Variants in PACSIN2 observed in about 807,000 individuals in gnomAD.
The protein encoded by PACSIN2 is protein kinase C and casein kinase substrate in neurons 2, also known as protein kinase C and casein kinase substrate in neurons protein 2.
Under a neutral mutation model 63.8 loss-of-function variants are expected in PACSIN2, and 25 were observed. The observed-to-expected ratio is 0.39, with a 90% CI of 0.29 to 0.55. The LOEUF (loss-of-function observed/expected upper bound fraction) is 0.55, where lower values mean the gene tolerates loss of function less well. Among genes scored for constraint, PACSIN2 ranks in the 20% least tolerant of loss-of-function variants. The pLI is 0.62. For synonymous variants in PACSIN2, 255 were observed against 256.2 expected (o/e 1.00, Z 0.05); for missense variants, 518 against 646.9 (o/e 0.80, Z 2.16).
intron 2 of PACSIN2, among the ~76,000 whole-genome samples, chr22:42,898,135 A>T (rs1220508708): frequency 6.6e-6 from 1 of 152,164 alleles, no homozygotes; most frequent in East Asian, 1.9e-4. Context: ...GAGCCAAAAA[A>T]GGGAGCTGCC....
intron 1 of PACSIN2, among the ~76,000 whole-genome samples, chr22:42,931,575 T>G (rs4820498): frequency 0.37 from 55,535 of 152,022 alleles, 11,745 homozygotes; most frequent in Non-Finnish European, 0.48. Context: ...AGCCGATGGC[T>G]GCCCTGAAAC....
intron 1 of PACSIN2, among the ~76,000 whole-genome samples, chr22:42,999,620 ATC>A (rs1923636994): frequency 6.6e-6 from 1 of 152,122 alleles, no homozygotes; most frequent in Admixed American, 6.5e-5. Context: ...GTGAGACAAG[ATC>A]ATGCCATTGC....
intron 1 of PACSIN2, among the ~76,000 whole-genome samples, chr22:42,999,846 G>C (rs1923653894): frequency 6.6e-6 from 1 of 152,212 alleles, no homozygotes; most frequent in African/African-American, 2.4e-5. Context: ...GCTTCTCTGA[G>C]CCTATTTCCT....
chr22:42,916,756 G>A (rs1373620578), intron 1 of PACSIN2, among the ~76,000 whole-genome samples: 1 of 152,164 alleles, frequency 6.6e-6, no homozygotes, highest in Non-Finnish European at 1.5e-5. Flanking sequence ...TCAAGAGGCA[G>A]CCTCTCAACC....
intron 3 of PACSIN2, among the ~76,000 whole-genome samples, chr22:42,892,241 C>T (rs950969209): frequency 4.6e-5 from 7 of 152,232 alleles, no homozygotes; most frequent in African/African-American, 7.2e-5. Context: ...GGGCAGAAAT[C>T]GAGAAGATCC....
At chr22:42,940,256 C>T (rs556267667) in intron 1 of PACSIN2, among the ~76,000 whole-genome samples, 6 of 152,120 alleles carry the variant, frequency 3.9e-5, no homozygotes, top group Non-Finnish European at 7.4e-5. Flanking sequence ...TCATTTTACA[C>T]CAAAAATAGA....
intron 5 of PACSIN2, among the ~76,000 whole-genome samples, chr22:42,885,706 G>T (rs927050178): frequency 2.6e-5 from 4 of 152,146 alleles, no homozygotes; most frequent in Admixed American, 2.6e-4. Context: ...CCAGCCTCGT[G>T]AGACCAGGTT....
At chr22:42,991,261 C>A (rs1369295958) in intron 1 of PACSIN2, among the ~76,000 whole-genome samples, 1 of 152,178 alleles carries the variant, frequency 6.6e-6, no homozygotes, top group African/African-American at 2.4e-5. Flanking sequence ...CCCCCATCCA[C>A]CCCAGTCATA....
intron 1 of PACSIN2, among the ~76,000 whole-genome samples, chr22:43,005,220 C>G (rs1924018144): frequency 6.6e-6 from 1 of 152,212 alleles, no homozygotes; most frequent in Non-Finnish European, 1.5e-5. Flanking sequence ...TATTTCCCAT[C>G]ACCTAGGGAT....
chr22:42,918,977 T>C lies in PACSIN2; in HGVS notation c.-77-6820A>G, dbSNP rs534723201. 2.0e-5 allele frequency among the ~76,000 whole-genome samples: 3 copies of C among 152,292 alleles called. No homozygotes were observed. The East Asian group carries it at 5.8e-4, about 29-fold the overall frequency. On this transcript the variant is annotated intron_variant, in intron 1 of 10. Coordinates refer to ENST00000263246, the MANE Select transcript of PACSIN2 (RefSeq NM_001184970.3). ...TCAAAACGAGGTCAGGTAGGGCATG[T>C]TTCCTGGCTCTGCTTCATTCATTCT...
chr22:42,918,999 T>A (rs553134712), intron 1 of PACSIN2, among the ~76,000 whole-genome samples: 1 of 152,316 alleles, frequency 6.6e-6, no homozygotes, highest in African/African-American at 2.4e-5. Flanking sequence ...GCTTCATTCA[T>A]TCTTCCAGGT....
chr22:42,994,194 T>C (rs1923241016), intron 1 of PACSIN2, among the ~76,000 whole-genome samples: 1 of 152,270 alleles, frequency 6.6e-6, no homozygotes. Flanking sequence ...GACAGTGCAG[T>C]GCGCTCCTGC....
chr22:42,945,125 T>G (rs571644285), intron 1 of PACSIN2, among the ~76,000 whole-genome samples: 17 of 149,126 alleles, frequency 1.1e-4, no homozygotes, highest in African/African-American at 3.4e-4. Context: ...GCAAGGGCTG[T>G]GTCATCTCCG....
At chr22:42,904,607 C>T (rs1253966035) in intron 2 of PACSIN2, among the ~76,000 whole-genome samples, 4 of 152,138 alleles carry the variant, frequency 2.6e-5, no homozygotes, top group African/African-American at 7.2e-5. Flanking sequence ...GGTCCAAAGC[C>T]GATGATCTAG....
At chr22:42,957,611 A>C (rs1933966676) in intron 1 of PACSIN2, among the ~76,000 whole-genome samples, 1 of 152,232 alleles carries the variant, frequency 6.6e-6, no homozygotes, top group Admixed American at 6.5e-5. Context: ...TTTATAAATT[A>C]AATCGTTTTC....
chr22:42,946,709 C>T (rs573534012), intron 1 of PACSIN2, among the ~76,000 whole-genome samples: 2 of 152,304 alleles, frequency 1.3e-5, no homozygotes, highest in African/African-American at 4.8e-5. Context: ...CACACATGAT[C>T]CTCTCTCGTC....
chr22:43,008,054 G>A (rs1924210989), intron 1 of PACSIN2, among the ~76,000 whole-genome samples: 1 of 152,196 alleles, frequency 6.6e-6, no homozygotes, highest in Admixed American at 6.5e-5. Flanking sequence ...GAAGACAGGT[G>A]GATTCTCCAC....
chr22:42,884,163 G>GC (rs1569217774), intron 6 of PACSIN2, among the ~76,000 whole-genome samples: 2 of 152,208 alleles, frequency 1.3e-5, no homozygotes, highest in Admixed American at 6.5e-5. Flanking sequence ...GGTCAACCAG[G>GC]CCTTCCAGAG....
In PACSIN2 at chr22:42,952,504, G is replaced by A. The variant is rs548440979; in HGVS notation, c.-77-40347C>T. On this transcript the variant is annotated intron_variant, in intron 1 of 10. Coordinates refer to ENST00000263246, the MANE Select transcript of PACSIN2 (RefSeq NM_001184970.3). ...CTCCTGATTAGCTGGGACTTTAGGC[G>A]CGCACCACCACGCCTGGCTAATTTG... Among the ~76,000 whole-genome samples the A allele has an allele frequency of 5.9e-5, 9 of 151,332 alleles. No individual in the cohort carries two copies. In the South Asian group the frequency reaches 1.9e-3, roughly 32 times the overall value.
Sources: gnomAD v4.1 joint callset for allele counts (sites outside exome capture counted in the v4.1 genomes callset) on GRCh38, gnomAD v4.1.1 for gene constraint, MANE v1.5 for transcripts, NCBI Gene and HGNC (gene_info 2026-07-23, HGNC 2026-07-21) for gene names.